Variants in C4orf51 observed in about 807,000 individuals in gnomAD.
C4orf51 encodes uncharacterized protein C4orf51.
Under a neutral mutation model 25.2 loss-of-function variants are expected in C4orf51, and 25 were observed. The ratio of observed to expected loss-of-function variants is 0.99; its 90% CI spans 0.72 to 1.39. The LOEUF is 1.39. C4orf51 is among the 40% of genes most tolerant of loss of function. C4orf51 has a pLI of 0.00. For missense variants in C4orf51, 252 were observed against 239.6 expected, an observed-to-expected ratio of 1.05 and a Z score of -0.34; for synonymous variants, 100 against 84.5, an observed-to-expected ratio of 1.18 and a Z score of -1.01.
At chr4:145,721,207 T>C (rs1329934553) in intron 2 of C4orf51, among the ~76,000 whole-genome samples, 3 of 151,916 alleles carry the variant, frequency 2.0e-5, no homozygotes, top group Non-Finnish European at 4.4e-5. Flanking sequence ...TAGCCAGGTG[T>C]GGTGGTGGGC....
intron 2 of C4orf51, among the ~76,000 whole-genome samples, chr4:145,697,330 C>T (rs562033368): frequency 6.6e-6 from 1 of 152,072 alleles, no homozygotes; most frequent in African/African-American, 2.4e-5. Context: ...AAACTCCTGA[C>T]CTTGTGATCT....
At chr4:145,715,313 C>G (rs1159600736) in intron 2 of C4orf51, among the ~76,000 whole-genome samples, 1 of 152,188 alleles carries the variant, frequency 6.6e-6, no homozygotes, top group Non-Finnish European at 1.5e-5. Flanking sequence ...TGTTTGCAGC[C>G]TCCCTCACCA....
rs1216817549 is a variant in C4orf51, at chr4:145,696,565, AT to A, written c.242del (p.Leu81Ter). On this transcript the variant is annotated frameshift_variant, in exon 2 of 6. Coordinates refer to ENST00000438731, the MANE Select transcript of C4orf51 (RefSeq NM_001080531.3). LOFTEE classifies it high-confidence loss of function. ...QHEPECKQMSLTNSSACHLLC... is the reference protein window; with the variant it reads ...QHEPECKQMSXTNSSACHLLC... ...TTCTACTTGCTTTCCTTAGGATGTC[AT>A]TGACAAACAGTTCTGCCTGTCATCT... 1.2e-6 allele frequency: 2 copies of A among 1,613,192 alleles called. No individual in the cohort carries two copies. Among genetic ancestry groups the A allele is most frequent in the African/African-American group, 2.7e-5 (2 of 75,028 alleles).
chr4:145,747,276 T>C (rs1300218907), intron 1 of C4orf51, among the ~76,000 whole-genome samples: 3 of 152,154 alleles, frequency 2.0e-5, no homozygotes, highest in African/African-American at 7.2e-5. Flanking sequence ...GTGTTCCATA[T>C]CTTAGAGGAA....
chr4:145,724,667 A>C lies in C4orf51; in HGVS notation c.308-2244A>C, dbSNP rs1215686429. On this transcript the variant is annotated intron_variant, in intron 2 of 5. Coordinates refer to ENST00000438731, the MANE Select transcript of C4orf51 (RefSeq NM_001080531.3). ...GAGGCTGAGGTAGGAGGACTGCTTG[A>C]GCTCGGGAGTTCGAGACCAGCCTGG... Among the ~76,000 whole-genome samples the C allele has an allele frequency of 3.9e-5, 6 of 152,142 alleles. No individual in the cohort carries two copies. The South Asian group carries it at 1.2e-3, about 32-fold the overall frequency.
chr4:145,713,413 G>C (rs1731236278), intron 2 of C4orf51, among the ~76,000 whole-genome samples: 1 of 152,206 alleles, frequency 6.6e-6, no homozygotes, highest in Non-Finnish European at 1.5e-5. Flanking sequence ...TTTGGAAGAA[G>C]TTGATTCCAT....
At chr4:145,735,040 G>C (rs1209186292), downstream of C4orf51, among the ~76,000 whole-genome samples, 2 of 152,220 alleles carry the variant, frequency 1.3e-5, no homozygotes, top group Non-Finnish European at 2.9e-5. Flanking sequence ...ATGCACTTGG[G>C]CGAGGGCTTT....
chr4:145,780,060 G>C, the C4orf51 span, among the ~76,000 whole-genome samples: 73 of 152,232 alleles, frequency 4.8e-4, no homozygotes, highest in African/African-American at 1.7e-3. Flanking sequence ...GCATGGTGGC[G>C]GGTGCCTGTA....
intron 2 of C4orf51, among the ~76,000 whole-genome samples, chr4:145,717,682 C>T (rs1665746750): frequency 6.6e-6 from 1 of 152,198 alleles, no homozygotes; most frequent in East Asian, 1.9e-4. Context: ...TCATGATCAT[C>T]ATAGGAGAAA....
chr4:145,751,745 C>T (rs1263586876), intron 1 of C4orf51, among the ~76,000 whole-genome samples: 1 of 152,194 alleles, frequency 6.6e-6, no homozygotes, highest in Non-Finnish European at 1.5e-5. Context: ...CCCCCAGGAC[C>T]CAGGCAGGCC....
chr4:145,783,590 CTTA>C, the C4orf51 span, among the ~76,000 whole-genome samples: 1 of 152,252 alleles, frequency 6.6e-6, no homozygotes, highest in Non-Finnish European at 1.5e-5. Flanking sequence ...CTCAACTTTC[CTTA>C]TCCCCTGCCT....
intron 2 of C4orf51, among the ~76,000 whole-genome samples, chr4:145,714,957 G>A (rs951043917): frequency 3.9e-5 from 6 of 152,186 alleles, no homozygotes; most frequent in Non-Finnish European, 7.3e-5. Flanking sequence ...ACCAGATGCC[G>A]AGAGGCTCTT....
intron 1 of C4orf51, among the ~76,000 whole-genome samples, chr4:145,689,851 T>C (rs552300406): frequency 1.3e-5 from 2 of 152,258 alleles, no homozygotes; most frequent in East Asian, 3.9e-4. Flanking sequence ...CCTTTCACCA[T>C]ATAAAAAAAA....
chr4:145,713,099 G>A (rs1216090947), intron 2 of C4orf51, among the ~76,000 whole-genome samples: 3 of 152,140 alleles, frequency 2.0e-5, no homozygotes, highest in Non-Finnish European at 4.4e-5. Context: ...TATTACTGCC[G>A]ACTGACAATG....
chr4:145,710,169 G>T (rs1350083550), intron 2 of C4orf51, among the ~76,000 whole-genome samples: 1 of 152,216 alleles, frequency 6.6e-6, no homozygotes. Flanking sequence ...ATACAGATCT[G>T]CAGCAGTCTC....
downstream of C4orf51, chr4:145,774,721 T>C: frequency 7.0e-6 from 11 of 1,579,818 alleles, no homozygotes; most frequent in Non-Finnish European, 9.5e-6. Context: ...GGGTGACACA[T>C]ACTTCTAAAT....
At position 145,765,829 on chromosome 4, in the gene C4orf51, G is replaced by T; in HGVS notation, n.167-5159G>T. On this transcript the variant is annotated intron_variant and non_coding_transcript_variant, in intron 1 of 1. Transcript: ENST00000510096. This position sits in a 1 kb window ranked among gnomAD's most constrained non-coding sequence, Gnocchi z 4.7. ...GGGTGACGAGTTGAGTCTCATGGAT[G>T]CATCATCATTCTGGGGGCACAGGCT... 2 of 1,323,144 alleles carry T rather than the reference G, an allele frequency of 1.5e-6. No homozygotes were observed. Among genetic ancestry groups the T allele is most frequent in the Admixed American group, 2.2e-5 (1 of 46,146 alleles). The allele number at this position is 1,323,144 out of a possible 1,614,324, so 82.0% of individuals were successfully genotyped here.
intron 4 of C4orf51, among the ~76,000 whole-genome samples, chr4:145,729,531 G>T (rs1031271644): frequency 6.6e-6 from 1 of 151,974 alleles, no homozygotes; most frequent in Non-Finnish European, 1.5e-5. Flanking sequence ...TCGATCTTCC[G>T]ACCTTGTGAT....
At chr4:145,722,136 G>T (rs1560846576) in intron 2 of C4orf51, among the ~76,000 whole-genome samples, 1 of 152,058 alleles carries the variant, frequency 6.6e-6, no homozygotes, top group Non-Finnish European at 1.5e-5. Flanking sequence ...AAAGAATAAA[G>T]AATTAAAAAT....
Sources: gnomAD v4.1 joint callset for allele counts (sites outside exome capture counted in the v4.1 genomes callset) on GRCh38, gnomAD v4.1.1 for gene constraint, Gnocchi (gnomAD v3.1) non-coding constraint, MANE v1.5 for transcripts, NCBI Gene and HGNC (gene_info 2026-07-23, HGNC 2026-07-21) for gene names.